The following TYW1 variants were observed in gnomAD, a reference collection of about 807,000 sequenced individuals.
TYW1 encodes the protein tRNA-yW synthesizing protein 1 homolog, also known as S-adenosyl-L-methionine-dependent tRNA 4-demethylwyosine synthase TYW1.
In TYW1, 46 loss-of-function variants were observed where a neutral mutation model predicts 96.2. The observed-to-expected ratio is 0.48, with a 90% CI of 0.38 to 0.61. The LOEUF is 0.61. Among genes scored for constraint, TYW1 ranks in the 20% least tolerant of loss-of-function variants. The pLI is 0.00. For missense variants in TYW1, 684 were observed against 909.6 expected (o/e 0.75, Z 3.19); for synonymous variants, 274 against 323.0 (o/e 0.85, Z 1.63).
At chr7:67,106,412 A>G (rs540402305) in intron 12 of TYW1, among the ~76,000 whole-genome samples, 2 of 151,916 alleles carry the variant, frequency 1.3e-5, no homozygotes, top group African/African-American at 4.8e-5. Flanking sequence ...GCTGCGATGG[A>G]AGACTCCATA....
chr7:67,193,812 G>GGTGTGTGT (rs35319302), intron 14 of TYW1, among the ~76,000 whole-genome samples: 1 of 149,908 alleles, frequency 6.7e-6, no homozygotes, highest in African/African-American at 2.5e-5. Flanking sequence ...GTTTGTCTGT[G>GGTGTGTGT]GTGTGTGTGT....
At chr7:67,063,588 A>C (rs918118767) in intron 9 of TYW1, among the ~76,000 whole-genome samples, 2 of 150,890 alleles carry the variant, frequency 1.3e-5, no homozygotes, top group Admixed American at 6.7e-5. Flanking sequence ...ATATCAAAGC[A>C]CAAAAATCAG....
intron 13 of TYW1, among the ~76,000 whole-genome samples, chr7:67,119,068 C>A (rs1649063106): frequency 6.6e-6 from 1 of 152,058 alleles, no homozygotes; most frequent in South Asian, 2.1e-4. Flanking sequence ...TACTTACCTT[C>A]CTTTTCTTTT....
chr7:67,220,830 C>T (rs948385890), intron 15 of TYW1, among the ~76,000 whole-genome samples: 3 of 151,832 alleles, frequency 2.0e-5, no homozygotes, highest in African/African-American at 7.3e-5. Flanking sequence ...CTCCACCTCC[C>T]AGGTTCAAGC....
intron 15 of TYW1, among the ~76,000 whole-genome samples, chr7:67,223,820 C>G (rs1254636937): frequency 6.6e-6 from 1 of 150,972 alleles, no homozygotes; most frequent in African/African-American, 2.4e-5. Flanking sequence ...CAGAGATTGA[C>G]TGAAAATAAC....
intron 13 of TYW1, among the ~76,000 whole-genome samples, chr7:67,161,263 C>G (rs760901988): frequency 1.3e-5 from 2 of 152,150 alleles, no homozygotes; most frequent in African/African-American, 4.8e-5. Flanking sequence ...TTTGTTTTCA[C>G]ACACATACAA....
At chr7:67,078,090 G>T (rs1796260451) in intron 10 of TYW1, among the ~76,000 whole-genome samples, 1 of 150,848 alleles carries the variant, frequency 6.6e-6, no homozygotes, top group Non-Finnish European at 1.5e-5. Flanking sequence ...TTTATTTTTT[G>T]TTTTTTGTTT....
intron 3 of TYW1, among the ~76,000 whole-genome samples, chr7:67,004,465 C>T (rs1244362831): frequency 6.6e-6 from 1 of 152,140 alleles, no homozygotes; most frequent in East Asian, 1.9e-4. Flanking sequence ...TTTGTGCTCG[C>T]CAGCTCCCTT....
intron 13 of TYW1, among the ~76,000 whole-genome samples, chr7:67,170,359 G>C (rs1265876736): frequency 1.3e-5 from 2 of 152,176 alleles, no homozygotes; most frequent in Non-Finnish European, 2.9e-5. Flanking sequence ...TGAAATCACA[G>C]TGTTTGAATC....
At chr7:67,002,072 G>A (rs1362085061) in intron 3 of TYW1, among the ~76,000 whole-genome samples, 1 of 150,994 alleles carries the variant, frequency 6.6e-6, no homozygotes, top group Non-Finnish European at 1.5e-5. Context: ...AAAAGAGATA[G>A]GGTCTTGCTC....
intron 13 of TYW1, among the ~76,000 whole-genome samples, chr7:67,171,274 GTCT>G (rs984964041): frequency 3.9e-4 from 60 of 152,180 alleles, no homozygotes; most frequent in African/African-American, 1.3e-3. Flanking sequence ...AGTTATCTGT[GTCT>G]TCTTTTTCTT....
chr7:67,081,418 CTTTT>C (rs751694320), intron 10 of TYW1, among the ~76,000 whole-genome samples: 1 of 129,478 alleles, frequency 7.7e-6, no homozygotes, highest in African/African-American at 2.8e-5. Context: ...CTCAAGGTGG[CTTTT>C]TTTTTTTTTT....
At chr7:67,033,956 G>A (rs1794750989) in intron 7 of TYW1, among the ~76,000 whole-genome samples, 1 of 152,050 alleles carries the variant, frequency 6.6e-6, no homozygotes, top group Non-Finnish European at 1.5e-5. Context: ...GCCTCCCAGA[G>A]TGCTGGGATT....
intron 13 of TYW1, among the ~76,000 whole-genome samples, chr7:67,181,959 G>A (rs1277908567): frequency 6.6e-6 from 1 of 152,110 alleles, no homozygotes; most frequent in Non-Finnish European, 1.5e-5. Context: ...CTCCCAAGTA[G>A]CTGGGATTAC....
intron 10 of TYW1, among the ~76,000 whole-genome samples, chr7:67,067,625 T>C (rs180807288): frequency 8.5e-4 from 129 of 152,326 alleles, no homozygotes; most frequent in Middle Eastern, 3.4e-3. Flanking sequence ...ATTTGGACAG[T>C]TTGTCTTTTT....
At chr7:67,117,000 T>G (rs551031462) in intron 12 of TYW1, among the ~76,000 whole-genome samples, 1 of 152,284 alleles carries the variant, frequency 6.6e-6, no homozygotes, top group Middle Eastern at 3.4e-3. Flanking sequence ...TGACTCTGCG[T>G]CCTTTGAGTA....
At chr7:67,068,171 A>C (rs1255409002) in intron 10 of TYW1, among the ~76,000 whole-genome samples, 1 of 151,856 alleles carries the variant, frequency 6.6e-6, no homozygotes, top group East Asian at 1.9e-4. Flanking sequence ...ACAGGTGCGC[A>C]CCACCATGCC....
intron 11 of TYW1, among the ~76,000 whole-genome samples, chr7:67,096,042 C>T (rs888556490): frequency 2.0e-5 from 3 of 152,272 alleles, no homozygotes; most frequent in East Asian, 3.9e-4. Flanking sequence ...TTAATCCCAA[C>T]AAAAATTCTT....
chr7:67,218,002 G>A (rs376071366), intron 15 of TYW1, among the ~76,000 whole-genome samples: 67 of 151,720 alleles, frequency 4.4e-4, no homozygotes, highest in Middle Eastern at 3.4e-3. Context: ...GGGATTACAG[G>A]CACCTGCCAC....
Sources: gnomAD v4.1 joint callset for allele counts (sites outside exome capture counted in the v4.1 genomes callset) on GRCh38, gnomAD v4.1.1 for gene constraint, MANE v1.5 for transcripts, NCBI Gene and HGNC (gene_info 2026-07-23, HGNC 2026-07-21) for gene names.